Variants in CDC14A observed in about 807,000 individuals in gnomAD.
CDC14A encodes dual specificity protein phosphatase CDC14A.
CDC14A carries 53 observed loss-of-function variants against 74.4 expected under a neutral mutation model. That is an observed-to-expected ratio of 0.71 (90% CI 0.57 to 0.89). The LOEUF (loss-of-function observed/expected upper bound fraction) is 0.89, where lower values mean the gene tolerates loss of function less well. CDC14A is among the 40% of genes least tolerant of loss of function. The pLI is 0.00. For synonymous variants in CDC14A, 247 were observed against 258.4 expected, an observed-to-expected ratio of 0.96 and a Z score of 0.43; for missense variants, 646 against 713.7, an observed-to-expected ratio of 0.91 and a Z score of 1.08.
At chr1:100,393,638 A>G (rs1658028478) in intron 4 of CDC14A, 1 of 611,002 alleles carries the variant, frequency 1.6e-6, no homozygotes, top group Non-Finnish European at 3.1e-6. Context: ...CAGAGGCTTC[A>G]TAACCTTGAT....
chr1:100,485,072 T>A, intron 11 of CDC14A: 1 of 985,342 alleles, frequency 1.0e-6, no homozygotes, highest in Non-Finnish European at 1.2e-6. Context: ...CAAGCTTGTG[T>A]TTTTTTATAT....
chr1:100,411,893 T>G (rs544803307), intron 4 of CDC14A, among the ~76,000 whole-genome samples: 2 of 152,310 alleles, frequency 1.3e-5, no homozygotes, highest in African/African-American at 4.8e-5. Flanking sequence ...TACTTCAGAT[T>G]GGAAGTTCAG....
At chr1:100,462,381 G>A (rs1667394548) in intron 8 of CDC14A, 1 of 421,454 alleles carries the variant, frequency 2.4e-6, no homozygotes, top group Admixed American at 3.8e-5. Context: ...GGAAGAGTAT[G>A]CTCCCAGGAT....
chr1:100,510,876 T>C (rs1007003695), intron 15 of CDC14A, among the ~76,000 whole-genome samples: 1 of 152,148 alleles, frequency 6.6e-6, no homozygotes, highest in Non-Finnish European at 1.5e-5. Flanking sequence ...CTTTTTAACA[T>C]TTTTCACCAA....
At chr1:100,498,307 G>A in intron 14 of CDC14A, 100 bp downstream of exon 14, 3 of 1,305,254 alleles carry the variant, frequency 2.3e-6, no homozygotes, top group South Asian at 2.8e-5. Context: ...AGGGGACAAG[G>A]GAGAAGAGGA....
chr1:100,414,236 C>T lies in CDC14A; in HGVS notation c.310-9986C>T, dbSNP rs527839563. 7.9e-5 allele frequency among the ~76,000 whole-genome samples: 12 copies of T among 152,218 alleles called. 1 individual carries two copies. The highest frequency in any genetic ancestry group is 6.8e-3 in the Middle Eastern group (2 of 294). On this transcript the variant is annotated intron_variant, in intron 4 of 15. Transcript: ENST00000336454. ...ATCCCAACACTTTGGAAGGCCAAGG[C>T]GGTAGGATTGCCTGAGCCCAGGAGT...
Position 100,462,884 on chromosome 1 carries a change from G to T in CDC14A, c.838+3G>T. On this transcript the variant is annotated splice_donor_region_variant and intron_variant, in intron 9 of 15. Transcript: ENST00000336454. ...GGCCATCGCCGTTCACTGCAAAGGT[G>T]TGTGCAAGGCCTCGGTGGTGGTGGC... 6.2e-7 allele frequency: 1 copy of T among 1,611,064 alleles called. No homozygotes were observed. The highest frequency in any genetic ancestry group is 8.5e-7 in the Non-Finnish European group (1 of 1,177,376).
intron 4 of CDC14A, among the ~76,000 whole-genome samples, chr1:100,406,595 T>C (rs1341163579): frequency 1.3e-5 from 2 of 152,122 alleles, no homozygotes; most frequent in African/African-American, 2.4e-5. Flanking sequence ...ATTTTCTGCT[T>C]ATGGCTAGCC....
chr1:100,456,684 G>C (rs981677939), intron 8 of CDC14A, among the ~76,000 whole-genome samples: 12 of 151,694 alleles, frequency 7.9e-5, no homozygotes, highest in African/African-American at 2.9e-4. Flanking sequence ...TCATATTCTA[G>C]AATCTAGTTT....
At chr1:100,408,784 T>C (rs552608311) in intron 4 of CDC14A, among the ~76,000 whole-genome samples, 2 of 152,320 alleles carry the variant, frequency 1.3e-5, no homozygotes, top group South Asian at 4.1e-4. Flanking sequence ...TGATATATAG[T>C]GATCAGAACG....
At chr1:100,379,882 A>C (rs1201020245) in intron 3 of CDC14A, among the ~76,000 whole-genome samples, 1 of 152,096 alleles carries the variant, frequency 6.6e-6, no homozygotes, top group Non-Finnish European at 1.5e-5. Context: ...CACTCTTTTT[A>C]ACAACAAAAT....
At chr1:100,429,423 C>A (rs1663366873) in intron 5 of CDC14A, among the ~76,000 whole-genome samples, 1 of 150,968 alleles carries the variant, frequency 6.6e-6, no homozygotes, top group Non-Finnish European at 1.5e-5. Flanking sequence ...CATTCGATGT[C>A]TTATCCCTTT....
upstream of CDC14A, chr1:100,351,676 C>G (rs1386325430): frequency 1.4e-6 from 2 of 1,436,524 alleles, no homozygotes; most frequent in South Asian, 1.2e-5. Context: ...CCCTCCGGGA[C>G]CGGAGCACTG....
At chr1:100,432,216 A>G (rs552146947) in intron 5 of CDC14A, among the ~76,000 whole-genome samples, 2 of 152,288 alleles carry the variant, frequency 1.3e-5, no homozygotes, top group South Asian at 2.1e-4. Context: ...CTAATTCTCA[A>G]TACAGTTTCG....
chr1:100,371,631 C>A (rs1654492150), intron 2 of CDC14A, among the ~76,000 whole-genome samples: 1 of 152,166 alleles, frequency 6.6e-6, no homozygotes, highest in South Asian at 2.1e-4. Flanking sequence ...CCCAACCTTG[C>A]ATTCCAGGAA....
chr1:100,393,269 A>C, intron 4 of CDC14A: 1 of 1,366,164 alleles, frequency 7.3e-7, no homozygotes, highest in Admixed American at 1.7e-5. Context: ...GTGCATGTTC[A>C]ATCATATGAA....
Position 100,465,285 on chromosome 1 carries a change from TA to T in CDC14A, c.838+2407del, listed in dbSNP as rs533808083. ...GTCTGTATTGTAGATGTTTTTATTT[TA>T]AATCAGAACCTTTAACATTGAAGTC... On this transcript the variant is annotated intron_variant, in intron 9 of 15. Coordinates refer to ENST00000336454, the MANE Select transcript of CDC14A (RefSeq NM_003672.4). 3.5e-4 allele frequency among the ~76,000 whole-genome samples: 54 copies of T among 152,312 alleles called. No individual in the cohort carries two copies. The South Asian group carries it at 0.011, about 30-fold the overall frequency.
intron 15 of CDC14A, 106 bp from the exon 16 acceptor site, chr1:100,518,145 T>A: frequency 1.3e-6 from 1 of 785,158 alleles, no homozygotes; most frequent in Non-Finnish European, 2.2e-6. Flanking sequence ...TTAGTTTATT[T>A]CATTGATCTC....
chr1:100,510,134 C>T (rs537213070), intron 15 of CDC14A, among the ~76,000 whole-genome samples: 2 of 152,216 alleles, frequency 1.3e-5, no homozygotes, highest in Non-Finnish European at 2.9e-5. Flanking sequence ...CACCTCCCTT[C>T]ATCCCTGGAA....
Sources: allele counts gnomAD v4.1 joint callset (sites outside exome capture counted in the v4.1 genomes callset), GRCh38; gene constraint gnomAD v4.1.1; transcripts MANE v1.5; gene names NCBI Gene and HGNC (gene_info 2026-07-23, HGNC 2026-07-21).